ATRNL1: variants seen among roughly 807,000 people sequenced by gnomAD.
The protein encoded by ATRNL1 is attractin-like protein 1.
Under a neutral mutation model 182.7 loss-of-function variants are expected in ATRNL1, and 95 were observed. The ratio of observed to expected loss-of-function variants is 0.52; its 90% CI spans 0.44 to 0.62. The LOEUF (loss-of-function observed/expected upper bound fraction) is 0.62, where lower values mean the gene tolerates loss of function less well. Among genes scored for constraint, ATRNL1 ranks in the 20% least tolerant of loss-of-function variants. The pLI is 0.00. For synonymous variants in ATRNL1, 576 were observed against 568.3 expected (o/e 1.01, Z -0.19); for missense variants, 1,471 against 1,679.5 (o/e 0.88, Z 2.17).
intron 20 of ATRNL1, among the ~76,000 whole-genome samples, chr10:115,395,787 G>A (rs782174925): frequency 1.5e-4 from 22 of 151,314 alleles, no homozygotes; most frequent in Non-Finnish European, 2.4e-4. Context: ...ACTTTAAAAG[G>A]CAGCATTTTA....
chr10:115,580,629 T>G (rs1315138270), intron 26 of ATRNL1, among the ~76,000 whole-genome samples: 1 of 152,114 alleles, frequency 6.6e-6, no homozygotes, highest in Non-Finnish European at 1.5e-5. Flanking sequence ...TTCTGTTTTC[T>G]TTCCCAGGTT....
At chr10:115,115,801 GTTATATATCCATAGTCAAA>G (rs1457686019) in intron 1 of ATRNL1, among the ~76,000 whole-genome samples, 10 of 152,132 alleles carry the variant, frequency 6.6e-5, no homozygotes, top group Admixed American at 5.2e-4. Flanking sequence ...AATGTGTTAA[GTTATATATCCATAGTCAAA>G]TTATATATCC....
intron 25 of ATRNL1, among the ~76,000 whole-genome samples, chr10:115,548,457 C>T (rs1201230137): frequency 6.6e-6 from 1 of 152,090 alleles, no homozygotes; most frequent in Non-Finnish European, 1.5e-5. Flanking sequence ...AGGATGAGAA[C>T]CAGGTTTTTC....
intron 26 of ATRNL1, among the ~76,000 whole-genome samples, chr10:115,658,407 A>G (rs1182116096): frequency 6.6e-6 from 1 of 152,102 alleles, no homozygotes; most frequent in Non-Finnish European, 1.5e-5. Flanking sequence ...AGATGGATAT[A>G]TGTATATAAT....
intron 27 of ATRNL1, among the ~76,000 whole-genome samples, chr10:115,783,616 T>C (rs1161388642): frequency 6.6e-6 from 1 of 152,204 alleles, no homozygotes; most frequent in Non-Finnish European, 1.5e-5. Flanking sequence ...CATTCAAATA[T>C]AATGTCATTT....
intron 19 of ATRNL1, among the ~76,000 whole-genome samples, chr10:115,342,648 T>A (rs1323401065): frequency 1.3e-5 from 2 of 152,158 alleles, no homozygotes; most frequent in African/African-American, 4.8e-5. Context: ...TGTTATAATA[T>A]TCTGTGTTTT....
intron 26 of ATRNL1, among the ~76,000 whole-genome samples, chr10:115,589,235 A>G (rs554400364): frequency 3.8e-4 from 58 of 152,330 alleles, no homozygotes; most frequent in Non-Finnish European, 4.1e-4. Flanking sequence ...AACTTCTGCC[A>G]GTAATTCCAG....
chr10:115,234,346 T>G (rs1367758644), intron 9 of ATRNL1, among the ~76,000 whole-genome samples: 3 of 152,012 alleles, frequency 2.0e-5, no homozygotes, highest in Non-Finnish European at 4.4e-5. Context: ...AATACTGCAT[T>G]TATTTATATC....
At chr10:115,188,277 G>C (rs1554889171) in intron 8 of ATRNL1, among the ~76,000 whole-genome samples, 1 of 152,264 alleles carries the variant, frequency 6.6e-6, no homozygotes, top group South Asian at 2.1e-4. Flanking sequence ...ATTTGGTTAT[G>C]TGGAATATAT....
At chr10:115,173,659 T>A (rs1847379787) in intron 8 of ATRNL1, among the ~76,000 whole-genome samples, 1 of 151,940 alleles carries the variant, frequency 6.6e-6, no homozygotes, top group Non-Finnish European at 1.5e-5. Flanking sequence ...ATATTAATAA[T>A]TGTTATGTGC....
In ATRNL1 at chr10:115,402,589, T is replaced by C. The variant is rs780122444; in HGVS notation, c.3269+7837T>C. Reference sequence around the variant, plus strand: ...ATAAATGGCACTCTTAGATATTTTGTTGGTAGATTAGTCAAAATTGATGAG... The same window carrying C: ...ATAAATGGCACTCTTAGATATTTTGCTGGTAGATTAGTCAAAATTGATGAG... On this transcript the variant is annotated intron_variant, in intron 20 of 28. Coordinates refer to ENST00000355044, the MANE Select transcript of ATRNL1 (RefSeq NM_207303.4). 1.3e-5 allele frequency among the ~76,000 whole-genome samples: 2 copies of C among 152,198 alleles called. 1 individual carries two copies. The highest frequency in any genetic ancestry group is 2.9e-5 in the Non-Finnish European group (2 of 68,020).
chr10:115,323,025 C>A (rs1554931976), intron 18 of ATRNL1, among the ~76,000 whole-genome samples: 1 of 151,938 alleles, frequency 6.6e-6, no homozygotes, highest in Non-Finnish European at 1.5e-5. Context: ...TAATATTTTT[C>A]ATCAAATTTG....
intron 25 of ATRNL1, among the ~76,000 whole-genome samples, chr10:115,535,195 CAG>C (rs1286649924): frequency 6.6e-6 from 1 of 152,216 alleles, no homozygotes; most frequent in East Asian, 1.9e-4. Flanking sequence ...TAATATCCTG[CAG>C]AGTGTTTTCC....
chr10:115,526,173 C>T (rs1851206985), intron 25 of ATRNL1, among the ~76,000 whole-genome samples: 1 of 152,158 alleles, frequency 6.6e-6, no homozygotes, highest in East Asian at 1.9e-4. Context: ...TTCCATATTT[C>T]AGGTTCCTAG....
intron 28 of ATRNL1, among the ~76,000 whole-genome samples, chr10:115,887,821 T>C (rs1301781039): frequency 1.3e-5 from 2 of 152,046 alleles, no homozygotes; most frequent in African/African-American, 2.4e-5. Flanking sequence ...ATCCCTCCTA[T>C]TTTTTCACTC....
intron 28 of ATRNL1, among the ~76,000 whole-genome samples, chr10:115,876,597 T>C (rs1467075427): frequency 6.6e-6 from 1 of 152,146 alleles, no homozygotes; most frequent in African/African-American, 2.4e-5. Flanking sequence ...GGGAAAGGGT[T>C]AAGGGATTCA....
At chr10:115,529,425 A>G (rs1411125801) in intron 25 of ATRNL1, among the ~76,000 whole-genome samples, 4 of 151,700 alleles carry the variant, frequency 2.6e-5, no homozygotes, top group African/African-American at 7.2e-5. Context: ...TAATCTGGGA[A>G]TCTCTTAATT....
At chr10:115,712,880 GA>G (rs769248130) in intron 26 of ATRNL1, among the ~76,000 whole-genome samples, 31 of 146,692 alleles carry the variant, frequency 2.1e-4, no homozygotes, top group Admixed American at 8.2e-4. Context: ...AAAAAAAAAA[GA>G]AAAAAAAATT....
At chr10:115,312,961 GC>G (rs1488713664) in intron 17 of ATRNL1, among the ~76,000 whole-genome samples, 2 of 152,024 alleles carry the variant, frequency 1.3e-5, no homozygotes, top group East Asian at 1.9e-4. Context: ...TTCTAAATGT[GC>G]CTTTCATTTC....
Sources: gnomAD v4.1 joint callset for allele counts (sites outside exome capture counted in the v4.1 genomes callset) on GRCh38, gnomAD v4.1.1 for gene constraint, MANE v1.5 for transcripts, NCBI Gene and HGNC (gene_info 2026-07-23, HGNC 2026-07-21) for gene names.